IGF1R: variants seen among roughly 807,000 people sequenced by gnomAD.
IGF1R encodes the protein insulin-like growth factor 1 receptor.
IGF1R carries 44 observed loss-of-function variants against 144.6 expected under a neutral mutation model. That is an observed-to-expected ratio of 0.30 (90% confidence interval 0.24 to 0.39). The LOEUF (loss-of-function observed/expected upper bound fraction) is 0.39, where lower values mean the gene tolerates loss of function less well. Among genes scored for constraint, IGF1R ranks in the 10% least tolerant of loss-of-function variants. The probability of loss-of-function intolerance (pLI) is 1.00; values close to 1 mark genes in which losing one functional copy is unlikely to be tolerated. For missense variants in IGF1R, 1,355 were observed against 1,833.7 expected (o/e 0.74, Z 4.77); for synonymous variants, 795 against 722.8 (o/e 1.10, Z -1.60).
At chr15:98,826,895 T>C (rs1596335885) in intron 2 of IGF1R, among the ~76,000 whole-genome samples, 1 of 152,200 alleles carries the variant, frequency 6.6e-6, no homozygotes, top group East Asian at 1.9e-4. Flanking sequence ...CTGGAGCAGT[T>C]TGCTCTCTGT....
At chr15:98,880,913 C>T (rs1302305571) in intron 2 of IGF1R, 1 of 152,198 alleles carries the variant, frequency 6.6e-6, no homozygotes, top group Non-Finnish European at 1.5e-5. Flanking sequence ...AACAACAAGA[C>T]CCAGAAAGAC....
intron 1 of IGF1R, among the ~76,000 whole-genome samples, chr15:98,701,585 C>A (rs539530318): frequency 6.6e-6 from 1 of 152,016 alleles, no homozygotes; most frequent in South Asian, 2.1e-4. Context: ...GTGATCCTAC[C>A]GCCTCGGCCT....
chr15:98,714,284 C>T (rs953430614), intron 2 of IGF1R, among the ~76,000 whole-genome samples: 1 of 152,150 alleles, frequency 6.6e-6, no homozygotes, highest in Non-Finnish European at 1.5e-5. Flanking sequence ...CTCTCCTTCC[C>T]TCGTTTTCCT....
At chr15:98,651,265 C>T (rs1238781303) in intron 1 of IGF1R, among the ~76,000 whole-genome samples, 62 of 152,230 alleles carry the variant, frequency 4.1e-4, no homozygotes, top group Non-Finnish European at 2.9e-5. Flanking sequence ...GAAATGAGTC[C>T]GCGACGGAAC....
chr15:98,948,726 C>G lies in IGF1R; in HGVS notation c.3722+18C>G, dbSNP rs2016653087. 6.2e-7 allele frequency: 1 copy of G among 1,613,574 alleles called. No homozygotes were observed. Among genetic ancestry groups the G allele is most frequent in the African/African-American group, 1.3e-5 (1 of 74,890 alleles). ...GACATGCTGTACGTACTTCCTGGGC[C>G]CTCCGTGCTCTTCTGAGTTCTCTTC... is the stretch of plus-strand genomic sequence containing the variant. On this transcript the variant is annotated intron_variant, in intron 20 of 20. Coordinates refer to ENST00000650285, the MANE Select transcript of IGF1R (RefSeq NM_000875.5).
chr15:98,783,290 G>A (rs750345382), intron 2 of IGF1R, among the ~76,000 whole-genome samples: 4 of 152,048 alleles, frequency 2.6e-5, no homozygotes, highest in Non-Finnish European at 5.9e-5. Flanking sequence ...TCACCACAAA[G>A]GTACACCTAC....
chr15:98,649,952 C>T lies in IGF1R; in HGVS notation c.94+277C>T, dbSNP rs559626289. Among the ~76,000 whole-genome samples, 13 of 152,316 alleles carry T rather than the reference C, an allele frequency of 8.5e-5. No homozygotes were observed. The East Asian group carries it at 1.7e-3, about 20-fold the overall frequency. On this transcript the variant is annotated intron_variant, in intron 1 of 20. Coordinates refer to ENST00000650285, the MANE Select transcript of IGF1R (RefSeq NM_000875.5). Reference sequence around the variant, plus strand: ...GTCCTGACAGCCCAGCCGTGTTTCCCGGCTAGGCGCGAGGACTCGGTAGGG... The same window carrying T: ...GTCCTGACAGCCCAGCCGTGTTTCCTGGCTAGGCGCGAGGACTCGGTAGGG...
At chr15:98,689,234 C>CT (rs890361771) in intron 1 of IGF1R, among the ~76,000 whole-genome samples, 2,969 of 100,894 alleles carry the variant, frequency 0.029, 131 homozygotes, top group East Asian at 0.11. Flanking sequence ...AGTTGCACTA[C>CT]TTTTTTTTTT....
intron 7 of IGF1R, among the ~76,000 whole-genome samples, chr15:98,912,126 TG>T (rs772427862): frequency 1.7e-4 from 26 of 151,388 alleles, no homozygotes; most frequent in Non-Finnish European, 3.0e-5. Flanking sequence ...TATATCCAGG[TG>T]GCTACCCCGG....
intron 2 of IGF1R, among the ~76,000 whole-genome samples, chr15:98,709,945 T>C (rs1294255259): frequency 6.6e-6 from 1 of 152,100 alleles, no homozygotes; most frequent in East Asian, 1.9e-4. Context: ...ACCCCTGGGG[T>C]AGGGGTGAGG....
At chr15:98,716,363 G>T (rs1345422082) in intron 2 of IGF1R, among the ~76,000 whole-genome samples, 3 of 152,070 alleles carry the variant, frequency 2.0e-5, no homozygotes, top group African/African-American at 7.2e-5. Flanking sequence ...TACAGGCAAG[G>T]TATGCAGCAT....
intron 13 of IGF1R, among the ~76,000 whole-genome samples, 158 bp downstream of exon 13, chr15:98,924,842 T>C (rs1255581358): frequency 6.6e-6 from 1 of 152,136 alleles, no homozygotes; most frequent in African/African-American, 2.4e-5. Context: ...ATACCGGCAC[T>C]GTGTGTGAAA....
In IGF1R at chr15:98,959,821, T is replaced by C. The variant is rs188827931; in HGVS notation, c.*2379T>C. 222 of 232,982 alleles carry C rather than the reference T, an allele frequency of 9.5e-4. No homozygotes were observed. Among genetic ancestry groups the C allele is most frequent in the Admixed American group, 3.1e-3 (55 of 17,756 alleles). 14.4% of individuals were successfully genotyped at this position (232,982 alleles called of 1,614,324 possible). A position where few individuals can be genotyped will look rare whatever the true frequency, so the allele number is the denominator to read the frequency against. ...CTGGTCAGCAGTTTGTCCCACTGCTTTCTCTAGTCTCTATCCCATAGCGTG... is the reference window on the plus strand; with the variant it reads ...CTGGTCAGCAGTTTGTCCCACTGCTCTCTCTAGTCTCTATCCCATAGCGTG... On this transcript the variant is annotated 3_prime_UTR_variant, in exon 21 of 21. Transcript: ENST00000650285.
chr15:98,899,059 A>T (rs1320224936), intron 4 of IGF1R, among the ~76,000 whole-genome samples: 1 of 152,246 alleles, frequency 6.6e-6, no homozygotes, highest in Admixed American at 6.5e-5. Context: ...TTAGAAAGGC[A>T]GCAAAGGCAG....
At chr15:98,799,317 G>A (rs1375325166) in intron 2 of IGF1R, among the ~76,000 whole-genome samples, 2 of 151,614 alleles carry the variant, frequency 1.3e-5, no homozygotes, top group African/African-American at 4.9e-5. Context: ...AGACCTGAAG[G>A]TTTCTTTGTA....
intron 2 of IGF1R, among the ~76,000 whole-genome samples, chr15:98,791,151 G>A (rs558949658): frequency 2.6e-4 from 40 of 152,176 alleles, no homozygotes; most frequent in Non-Finnish European, 4.7e-4. Flanking sequence ...ATACATTATT[G>A]ACTGATAAAT....
chr15:98,652,487 G>A lies in IGF1R; in HGVS notation c.94+2812G>A, dbSNP rs932101613. On this transcript the variant is annotated intron_variant, in intron 1 of 20. Transcript: ENST00000650285. ...AGTTTAGATCCTCTGGAGAGACATA[G>A]CAAGCAAATGGTGTTTTGTGGAAGG... is the stretch of plus-strand genomic sequence containing the variant. Among the ~76,000 whole-genome samples, 11 of 152,308 alleles carry A rather than the reference G, an allele frequency of 7.2e-5. 1 individual carries two copies. In the South Asian group the frequency reaches 1.0e-3, roughly 14 times the overall value.
chr15:98,932,022 T>C (rs1195861615), intron 15 of IGF1R, among the ~76,000 whole-genome samples: 1 of 152,232 alleles, frequency 6.6e-6, no homozygotes, highest in Admixed American at 6.5e-5. Flanking sequence ...CTATTCTGCT[T>C]TGAAATGCGG....
At chr15:98,711,824 C>CAGAAATACTGCTCACAGTTCTGGAG (rs1223819253) in intron 2 of IGF1R, among the ~76,000 whole-genome samples, 1 of 152,192 alleles carries the variant, frequency 6.6e-6, no homozygotes, top group African/African-American at 2.4e-5. Context: ...TTACACACAA[C>CAGAAATACTGCTCACAGTTCTGGAG]AGAAATACTG....
Sources: allele counts gnomAD v4.1 joint callset (sites outside exome capture counted in the v4.1 genomes callset), GRCh38; gene constraint gnomAD v4.1.1; transcripts MANE v1.5; gene names NCBI Gene and HGNC (gene_info 2026-07-23, HGNC 2026-07-21).